Variants in PEPD observed in about 807,000 individuals in gnomAD.
PEPD encodes xaa-Pro dipeptidase.
PEPD carries 53 observed loss-of-function variants against 60.7 expected under a neutral mutation model. The ratio of observed to expected loss-of-function variants is 0.87; its 90% confidence interval spans 0.70 to 1.10. The LOEUF is 1.10. PEPD is among the 50% of genes least tolerant of loss of function. The pLI is 0.00. For missense variants in PEPD, 711 were observed against 711.9 expected, an observed-to-expected ratio of 1.00 and a Z score of 0.01; for synonymous variants, 267 against 284.1, an observed-to-expected ratio of 0.94 and a Z score of 0.60.
At chr19:33,511,861 G>T (rs1970932596) in intron 2 of PEPD, among the ~76,000 whole-genome samples, 1 of 152,192 alleles carries the variant, frequency 6.6e-6, no homozygotes, top group African/African-American at 2.4e-5. Context: ...CAATGGAGTG[G>T]AGAGACGGGA....
At chr19:33,509,562 T>C (rs1363052100) in intron 3 of PEPD, among the ~76,000 whole-genome samples, 1 of 152,142 alleles carries the variant, frequency 6.6e-6, no homozygotes, top group Non-Finnish European at 1.5e-5. Context: ...AGCTCCACTG[T>C]GGCCCCAGTC....
At chr19:33,391,621 C>G in intron 12 of PEPD, 142 bp from the exon 13 acceptor site, 2 of 768,972 alleles carry the variant, frequency 2.6e-6, no homozygotes, top group Non-Finnish European at 4.4e-6. Context: ...GGTACTACAT[C>G]GGGGGCCCAG....
At chr19:33,442,979 T>C (rs1259515658) in intron 9 of PEPD, among the ~76,000 whole-genome samples, 1 of 152,196 alleles carries the variant, frequency 6.6e-6, no homozygotes, top group Admixed American at 6.5e-5. Flanking sequence ...CAGAACAGCA[T>C]CTGGCACACA....
At chr19:33,437,810 C>T (rs1188801335) in intron 9 of PEPD, among the ~76,000 whole-genome samples, 6 of 152,162 alleles carry the variant, frequency 3.9e-5, no homozygotes, top group African/African-American at 7.2e-5. Flanking sequence ...TCCAAAGGCA[C>T]GCCCCGACCG....
chr19:33,411,490 C>T (rs552310936), intron 11 of PEPD, among the ~76,000 whole-genome samples, 182 bp downstream of exon 11: 5 of 152,176 alleles, frequency 3.3e-5, no homozygotes, highest in Non-Finnish European at 7.4e-5. Flanking sequence ...GCTTTTGGCC[C>T]TGGAGAAGGC....
At chr19:33,393,028 C>T (rs966129410) in intron 12 of PEPD, among the ~76,000 whole-genome samples, 4 of 152,138 alleles carry the variant, frequency 2.6e-5, no homozygotes, top group South Asian at 2.1e-4. Context: ...GCCCCAGCCA[C>T]GGCAGCAGCC....
intron 9 of PEPD, among the ~76,000 whole-genome samples, chr19:33,451,885 G>T (rs1969707245): frequency 6.6e-6 from 1 of 152,084 alleles, no homozygotes; most frequent in Non-Finnish European, 1.5e-5. Context: ...ATTTATCATG[G>T]AAATGAGTAA....
rs117138984 is a variant in PEPD at position 33,448,699 on chromosome 19, C to T, written c.671+14296G>A. On this transcript the variant is annotated intron_variant, in intron 9 of 14. Coordinates refer to ENST00000244137, the MANE Select transcript of PEPD (RefSeq NM_000285.4). ...TCGGCTTCAGTGCTCGGGGAGGTGA[C>T]GGGGAGCGGTGGGGCCTGTGGCGTG... is the stretch of plus-strand genomic sequence containing the variant. Among the ~76,000 whole-genome samples, 144 of 151,976 alleles carry T rather than the reference C, an allele frequency of 9.5e-4. No homozygotes were observed. The East Asian group carries it at 0.026, about 27-fold the overall frequency.
chr19:33,422,262 G>A (rs1969035348), intron 9 of PEPD, among the ~76,000 whole-genome samples: 1 of 152,026 alleles, frequency 6.6e-6, no homozygotes, highest in Non-Finnish European at 1.5e-5. Flanking sequence ...GGCATCCTGA[G>A]TCCCTGGATA....
chr19:33,474,981 TAA>T (rs67443412), intron 7 of PEPD, among the ~76,000 whole-genome samples: 41 of 138,448 alleles, frequency 3.0e-4, no homozygotes, highest in Admixed American at 2.2e-4. Context: ...TCCTGTCTCT[TAA>T]AAAAAAAAAA....
intron 9 of PEPD, among the ~76,000 whole-genome samples, chr19:33,418,838 C>A (rs751500038): frequency 6.6e-6 from 1 of 152,232 alleles, no homozygotes; most frequent in Non-Finnish European, 1.5e-5. Flanking sequence ...GAGCAAGAGG[C>A]ATTCACGTGA....
At chr19:33,478,125 A>G in intron 6 of PEPD, 35 bp from the exon 7 acceptor site, 2 of 1,496,672 alleles carry the variant, frequency 1.3e-6, no homozygotes, top group Non-Finnish European at 1.9e-6. Flanking sequence ...CCATTAATCC[A>G]ACGGTCTGTC....
At chr19:33,387,520 C>T (rs777831450) in intron 14 of PEPD, 39 bp from the exon 15 acceptor site, 5 of 1,611,400 alleles carry the variant, frequency 3.1e-6, no homozygotes, top group Non-Finnish European at 4.2e-6. Context: ...CATAGAGCAG[C>T]CTCATGTGCC....
chr19:33,424,564 G>A (rs958542702), intron 9 of PEPD, among the ~76,000 whole-genome samples: 2 of 152,200 alleles, frequency 1.3e-5, no homozygotes, highest in African/African-American at 4.8e-5. Flanking sequence ...GGACCAGAAG[G>A]CCAGTGTGGT....
At chr19:33,483,488 G>A (rs554307872) in intron 6 of PEPD, among the ~76,000 whole-genome samples, 7 of 152,206 alleles carry the variant, frequency 4.6e-5, no homozygotes, top group South Asian at 2.1e-4. Context: ...GAGAAGCCTC[G>A]GCAAGACTTC....
At chr19:33,422,349 T>C (rs1184772619) in intron 9 of PEPD, among the ~76,000 whole-genome samples, 1 of 152,058 alleles carries the variant, frequency 6.6e-6, no homozygotes, top group Admixed American at 6.6e-5. Context: ...AATCAATCAA[T>C]CATCTGCCTA....
chr19:33,458,668 T>C (rs1398728567), intron 9 of PEPD, among the ~76,000 whole-genome samples: 1 of 143,556 alleles, frequency 7.0e-6, no homozygotes. Flanking sequence ...GCATGTGTGG[T>C]GTGTATGGTG....
At chr19:33,519,745 C>T (rs1270422062) in intron 1 of PEPD, among the ~76,000 whole-genome samples, 1 of 152,154 alleles carries the variant, frequency 6.6e-6, no homozygotes, top group Non-Finnish European at 1.5e-5. Flanking sequence ...TGTGTGGTGG[C>T]CCAGAGAATC....
At position 33,513,315 on chromosome 19, in the gene PEPD, A is replaced by AGAC. The variant is rs1330270384; in HGVS notation, c.18-540_18-539insGTC. The stretch of plus-strand genomic sequence containing the variant: ...TCCTTCAGCTCAAAGGACCATCTGC[A>AGAC]TCTGCAGACTGATGATGTCCAGCTC... On this transcript the variant is annotated intron_variant, in intron 1 of 14. Coordinates refer to ENST00000244137, the MANE Select transcript of PEPD (RefSeq NM_000285.4). Among the ~76,000 whole-genome samples the AGAC allele has an allele frequency of 3.5e-4, 53 of 152,042 alleles. 1 individual carries two copies. Among genetic ancestry groups the AGAC allele is most frequent in the African/African-American group, 1.2e-3 (51 of 41,396 alleles).
Sources: gnomAD v4.1 joint callset for allele counts (sites outside exome capture counted in the v4.1 genomes callset) on GRCh38, gnomAD v4.1.1 for gene constraint, MANE v1.5 for transcripts, NCBI Gene and HGNC (gene_info 2026-07-23, HGNC 2026-07-21) for gene names.